NME7: variants seen among roughly 807,000 people sequenced by gnomAD.
The protein encoded by NME7 is nucleoside diphosphate kinase 7.
A neutral mutation model predicts 49.1 loss-of-function variants in NME7; 41 were observed. That is an observed-to-expected ratio of 0.83 (90% CI 0.65 to 1.08). The LOEUF (loss-of-function observed/expected upper bound fraction) is 1.08. NME7 is among the 50% of genes least tolerant of loss of function. The pLI, the probability that NME7 is intolerant of heterozygous loss-of-function variation, is 0.00. For synonymous variants in NME7, 139 were observed against 150.6 expected (o/e 0.92, Z 0.56); for missense variants, 423 against 463.4 (o/e 0.91, Z 0.80).
At chr1:169,227,153 G>C (rs539654962) in intron 10 of NME7, among the ~76,000 whole-genome samples, 27 of 152,106 alleles carry the variant, frequency 1.8e-4, no homozygotes, top group Admixed American at 7.2e-4. Context: ...TTTTCTTTTC[G>C]AGACTCTTCT....
chr1:169,224,349 G>T (rs1661237062), intron 10 of NME7, among the ~76,000 whole-genome samples: 2 of 152,092 alleles, frequency 1.3e-5, no homozygotes, highest in African/African-American at 2.4e-5. Flanking sequence ...CTTCTACAGG[G>T]AAACCATGCT....
At chr1:169,273,461 ATT>A (rs200054713) in intron 7 of NME7, among the ~76,000 whole-genome samples, 4,038 of 128,326 alleles carry the variant, frequency 0.031, 539 homozygotes, top group African/African-American at 0.098. Flanking sequence ...TTTTTTCTTA[ATT>A]TTTTTTTATT....
chr1:169,246,989 A>G lies in NME7; in HGVS notation c.755-9302T>C, dbSNP rs556201902. 448 of 454,544 alleles carry G rather than the reference A, an allele frequency of 9.9e-4. 1 individual carries two copies. Among genetic ancestry groups the G allele is most frequent in the Non-Finnish European group, 1.2e-3 (283 of 226,544 alleles). 28.2% of individuals were successfully genotyped at this position (454,544 alleles called of 1,614,324 possible). On this transcript the variant is annotated intron_variant, in intron 7 of 11. Transcript: ENST00000367811. Reference sequence around the variant, plus strand: ...AAATAATAAAAACAGGCTCCATACCATCATAGGGACAGCAGAGAAGACCTA... The same window carrying G: ...AAATAATAAAAACAGGCTCCATACCGTCATAGGGACAGCAGAGAAGACCTA...
At position 169,321,905 on chromosome 1, in the gene NME7, C is replaced by A. The variant is rs75857894; in HGVS notation, c.278+1212G>T. 2.7e-3 allele frequency among the ~76,000 whole-genome samples: 409 copies of A among 151,882 alleles called. 10 individuals carry two copies. The highest frequency in any genetic ancestry group is 6.2e-3 in the East Asian group (32 of 5,180). ...TATAGCCTTAACTTCTACAAATAAT[C>A]CCTATTTTAATTACAGCACCAATCA... On this transcript the variant is annotated intron_variant, in intron 3 of 11. Transcript: ENST00000367811.
chr1:169,233,969 TTTTC>T (rs560029490), intron 9 of NME7, among the ~76,000 whole-genome samples: 96 of 152,192 alleles, frequency 6.3e-4, no homozygotes, highest in Non-Finnish European at 1.3e-3. Context: ...CTCCTTCCTT[TTTTC>T]TTTCTTTGTC....
Position 169,274,407 on chromosome 1 carries a change from TTTGTAGG to T in NME7, c.754+12889_754+12895del, listed in dbSNP as rs1347756905. Among the ~76,000 whole-genome samples the T allele has an allele frequency of 1.5e-5, 2 of 133,104 alleles. 1 individual carries two copies. Among genetic ancestry groups the T allele is most frequent in the Non-Finnish European group, 3.5e-5 (2 of 56,646 alleles). The allele number at this position is 133,104 out of a possible 152,430, so 87.3% of individuals were successfully genotyped here. On this transcript the variant is annotated intron_variant, in intron 7 of 11. Coordinates refer to ENST00000367811, the MANE Select transcript of NME7 (RefSeq NM_013330.5). The stretch of plus-strand genomic sequence containing the variant: ...GTAGGTTGCGAAAATTTTCTCCCAT[TTTGTAGG>T]TTGCCTGTTCACTCTGATGGTAGTT...
chr1:169,276,831 A>G (rs1649754106), intron 7 of NME7, among the ~76,000 whole-genome samples: 2 of 140,854 alleles, frequency 1.4e-5, no homozygotes, highest in East Asian at 4.1e-4. Flanking sequence ...ATTTAGTGCT[A>G]TAAATTTCCC....
At chr1:169,207,231 A>G (rs1080267) in intron 10 of NME7, among the ~76,000 whole-genome samples, 20,075 of 152,034 alleles carry the variant, frequency 0.13, 2,757 homozygotes, top group East Asian at 0.79. Flanking sequence ...CTTTTTAACA[A>G]ACAGTTCTCA....
At chr1:169,257,308 T>G (rs112001647) in intron 7 of NME7, among the ~76,000 whole-genome samples, 11,837 of 134,084 alleles carry the variant, frequency 0.088, 3,179 homozygotes, top group East Asian at 0.75. Context: ...CAGTATTTGG[T>G]TGGGAGTGAC....
intron 4 of NME7, among the ~76,000 whole-genome samples, chr1:169,304,989 C>CA (rs1419312856): frequency 6.6e-6 from 1 of 152,152 alleles, no homozygotes; most frequent in African/African-American, 2.4e-5. Flanking sequence ...TTTTCAAACG[C>CA]AAAAAACTGA....
At chr1:169,278,154 A>C (rs1447453217) in intron 7 of NME7, among the ~76,000 whole-genome samples, 4 of 150,778 alleles carry the variant, frequency 2.7e-5, no homozygotes, top group East Asian at 2.1e-4. Context: ...TGAATCTGAC[A>C]ATTATATGTC....
At chr1:169,348,086 C>A (rs931975501) in intron 1 of NME7, among the ~76,000 whole-genome samples, 7 of 152,092 alleles carry the variant, frequency 4.6e-5, no homozygotes, top group African/African-American at 1.7e-4. Flanking sequence ...GGAGAAAATA[C>A]TGTGTTTACA....
intron 11 of NME7, among the ~76,000 whole-genome samples, chr1:169,149,202 G>A (rs1159505306): frequency 2.6e-5 from 4 of 152,152 alleles, no homozygotes; most frequent in African/African-American, 9.7e-5. Flanking sequence ...ATAGCCGGGT[G>A]TGGTGGTGCA....
chr1:169,224,579 T>C (rs1661244839), intron 10 of NME7, among the ~76,000 whole-genome samples: 1 of 152,208 alleles, frequency 6.6e-6, no homozygotes, highest in Non-Finnish European at 1.5e-5. Context: ...TTACATATCA[T>C]GTCATACTAC....
At chr1:169,266,029 G>A (rs1649307929) in intron 7 of NME7, among the ~76,000 whole-genome samples, 1 of 131,952 alleles carries the variant, frequency 7.6e-6, no homozygotes, top group Non-Finnish European at 1.8e-5. Flanking sequence ...TATTCTACCA[G>A]ATGTACAAAG....
intron 11 of NME7, among the ~76,000 whole-genome samples, chr1:169,148,385 G>GT: frequency 6.6e-6 from 1 of 152,122 alleles, no homozygotes; most frequent in South Asian, 2.1e-4. Context: ...ATATTTTCCT[G>GT]TTAGACTAGT....
intron 7 of NME7, among the ~76,000 whole-genome samples, chr1:169,279,440 C>T (rs1176337974): frequency 6.6e-6 from 1 of 152,184 alleles, no homozygotes; most frequent in Non-Finnish European, 1.5e-5. Context: ...TTTGATCTCA[C>T]ACTGCTGTGC....
chr1:169,135,210 T>C (rs571449668), intron 11 of NME7, among the ~76,000 whole-genome samples: 11 of 151,740 alleles, frequency 7.2e-5, no homozygotes, highest in African/African-American at 2.4e-4. Context: ...AAAAACGGCA[T>C]TACCCAGAAC....
At chr1:169,149,716 T>A (rs12086983) in intron 11 of NME7, among the ~76,000 whole-genome samples, 60,047 of 152,060 alleles carry the variant, frequency 0.39, 12,209 homozygotes, top group East Asian at 0.73. Flanking sequence ...CTTGTGATGA[T>A]GAAGGGTCAA....
Sources: allele counts gnomAD v4.1 joint callset (sites outside exome capture counted in the v4.1 genomes callset), GRCh38; gene constraint gnomAD v4.1.1; transcripts MANE v1.5; gene names NCBI Gene and HGNC (gene_info 2026-07-23, HGNC 2026-07-21).